The following DRAM2 variants were observed in gnomAD, a reference collection of about 807,000 sequenced individuals.
The protein encoded by DRAM2 is DNA damage-regulated autophagy modulator protein 2.
In DRAM2, 26 loss-of-function variants were observed where a neutral mutation model predicts 33.5. The observed-to-expected ratio is 0.78, with a 90% CI of 0.57 to 1.08. DRAM2 has a LOEUF of 1.08. Ranked by LOEUF, DRAM2 falls within the 50% of genes least tolerant of loss-of-function variation. The pLI is 0.00. For missense variants in DRAM2, 311 were observed against 318.1 expected (o/e 0.98, Z 0.17); for synonymous variants, 98 against 109.5 (o/e 0.89, Z 0.66).
chr1:111,128,016 A>C (rs536088557), intron 4 of DRAM2: 1 of 152,196 alleles, frequency 6.6e-6, no homozygotes, highest in Non-Finnish European at 1.5e-5. Flanking sequence ...GGCATCCACT[A>C]CTTGAACCAA....
At chr1:111,138,933 C>A (rs1192318407) in intron 2 of DRAM2, 1 of 152,294 alleles carries the variant, frequency 6.6e-6, no homozygotes, top group East Asian at 1.9e-4. Context: ...CTGTCTTCGC[C>A]AAGTGGTGAA....
At chr1:111,136,478 T>C (rs181096744) in intron 3 of DRAM2, among the ~76,000 whole-genome samples, 101 of 151,742 alleles carry the variant, frequency 6.7e-4, no homozygotes, top group South Asian at 2.3e-3. Context: ...AGTAGGAGAA[T>C]GGAGGCTGAG....
At chr1:111,130,143 G>A (rs1006392615) in intron 4 of DRAM2, among the ~76,000 whole-genome samples, 1 of 152,130 alleles carries the variant, frequency 6.6e-6, no homozygotes, top group Non-Finnish European at 1.5e-5. Context: ...TTCTTCATTC[G>A]TTGTGAGATT....
rs968881626 is a variant in DRAM2, at chr1:111,117,526, G to C, written c.*634C>G. On this transcript the variant is annotated 3_prime_UTR_variant, in exon 10 of 10. Transcript: ENST00000484310. ...AACTACTGCAAGCATGTGTATGATA[G>C]ACCAATTAGCTTAGTATCTGGCATT... The C allele has an allele frequency of 6.6e-6, 1 of 152,262 alleles. No homozygotes were observed. Among genetic ancestry groups the C allele is most frequent in the African/African-American group, 2.4e-5 (1 of 41,328 alleles). The allele number at this position is 152,262 out of a possible 1,614,324, so 9.4% of individuals were successfully genotyped here.
intron 4 of DRAM2, among the ~76,000 whole-genome samples, chr1:111,130,989 G>A (rs1319628474): frequency 6.6e-6 from 1 of 151,886 alleles, no homozygotes; most frequent in South Asian, 2.1e-4. Context: ...TCCAGCCTGG[G>A]TGACAGAGCT....
chr1:111,137,251 CAAAAAAAA>C (rs71580572), intron 3 of DRAM2, among the ~76,000 whole-genome samples: 1 of 68,680 alleles, frequency 1.5e-5, no homozygotes, highest in African/African-American at 6.2e-5. Context: ...GATTCCATCT[CAAAAAAAA>C]AAAAAAAAAA....
chr1:111,120,420 G>GAT, intron 7 of DRAM2, 96 bp downstream of exon 7: 6 of 154,818 alleles, frequency 3.9e-5, no homozygotes, highest in Non-Finnish European at 5.5e-5. Context: ...AAAAAAAAAA[G>GAT]ACAAAAAGGC....
intron 6 of DRAM2, 149 bp from the exon 7 acceptor site, chr1:111,120,842 G>A (rs548998085): frequency 1.0e-5 from 6 of 600,836 alleles, no homozygotes; most frequent in African/African-American, 7.7e-5. Flanking sequence ...ACTTTCTGAA[G>A]TAATTTTCTC....
chr1:111,126,021 TA>T (rs200028314), intron 5 of DRAM2, among the ~76,000 whole-genome samples: 64 of 152,066 alleles, frequency 4.2e-4, no homozygotes, highest in African/African-American at 1.2e-3. Flanking sequence ...ATCCGACACA[TA>T]TTTTTTTAAA....
chr1:111,131,240 C>T (rs1652014973), intron 4 of DRAM2, among the ~76,000 whole-genome samples, 184 bp downstream of exon 4: 1 of 152,184 alleles, frequency 6.6e-6, no homozygotes. Context: ...TCTTATTGGG[C>T]TGTCTCTACA....
At chr1:111,135,358 C>T (rs1652954886) in intron 3 of DRAM2, among the ~76,000 whole-genome samples, 1 of 152,090 alleles carries the variant, frequency 6.6e-6, no homozygotes, top group African/African-American at 2.4e-5. Context: ...GTCACCTGTC[C>T]CTGATTGTGC....
intron 2 of DRAM2, chr1:111,138,969 T>C (rs1653901376): frequency 6.6e-6 from 1 of 152,206 alleles, no homozygotes; most frequent in Non-Finnish European, 1.5e-5. Context: ...AAGGAAATTC[T>C]GGAAGTTCCA....
At position 111,133,178 on chromosome 1, in the gene DRAM2, C is replaced by CTT. The variant is rs35385263; in HGVS notation, c.-14-1612_-14-1611dup. ...CTTGCATTGTCTTGTCTTTACTTAC[C>CTT]TTTTTTTTTTTTTTTTTGAGACAGA... On this transcript the variant is annotated intron_variant, in intron 3 of 9. Coordinates refer to ENST00000484310, the MANE Select transcript of DRAM2 (RefSeq NM_001349884.2). 4.7e-3 allele frequency among the ~76,000 whole-genome samples: 633 copies of CTT among 134,544 alleles called. 10 individuals carry two copies. The highest frequency in any genetic ancestry group is 0.013 in the African/African-American group (471 of 35,918). The allele number at this position is 134,544 out of a possible 152,430, so 88.3% of individuals were successfully genotyped here.
intron 9 of DRAM2, chr1:111,118,513 G>A (rs763810631): frequency 2.4e-4 from 115 of 488,108 alleles, no homozygotes; most frequent in Non-Finnish European, 3.9e-4. Context: ...ACTAAATGTT[G>A]AGAATGACCT....
chr1:111,126,327 T>A, intron 4 of DRAM2, 33 bp from the exon 5 acceptor site: 2 of 1,293,648 alleles, frequency 1.5e-6, no homozygotes, highest in Non-Finnish European at 2.2e-6. Flanking sequence ...TGTGGATTTC[T>A]CATACTAGAT....
chr1:111,133,855 T>C lies in DRAM2; in HGVS notation c.-14-2287A>G, dbSNP rs56010810. 5.4e-3 allele frequency among the ~76,000 whole-genome samples: 823 copies of C among 152,376 alleles called. 7 individuals carry two copies. Among genetic ancestry groups the C allele is most frequent in the African/African-American group, 0.019 (776 of 41,578 alleles). ...ACACTACCTACCCAGTTAACTTTTA[T>C]GTTTTTCAAGGCTCAATCTTTCCAG... On this transcript the variant is annotated intron_variant, in intron 3 of 9. Transcript: ENST00000484310.
chr1:111,126,643 AC>A (rs1651074293), intron 4 of DRAM2, among the ~76,000 whole-genome samples: 1 of 92,220 alleles, frequency 1.1e-5, no homozygotes, highest in South Asian at 4.7e-4. Flanking sequence ...CCTAAACACC[AC>A]AGGCTTTTCA....
At chr1:111,126,118 T>C (rs753404869) in intron 5 of DRAM2, 109 bp downstream of exon 5, 5 of 695,528 alleles carry the variant, frequency 7.2e-6, no homozygotes, top group South Asian at 1.8e-5. Context: ...AGTGATAACA[T>C]ACTCTCAAGT....
In DRAM2 at chr1:111,117,983, C is replaced by T. The variant is rs149672239; in HGVS notation, c.*177G>A. 1,725 of 621,848 alleles carry T rather than the reference C, an allele frequency of 2.8e-3. 5 individuals carry two copies. Among genetic ancestry groups the T allele is most frequent in the Non-Finnish European group, 4.3e-3 (1,524 of 353,546 alleles). The allele number at this position is 621,848 out of a possible 1,614,324, so 38.5% of individuals were successfully genotyped here. A position where few individuals can be genotyped will look rare whatever the true frequency, so the allele number is the denominator to read the frequency against. ...TTTTTAATAGTCTTCTTGATGATAT[C>T]CTTTAGAATAATCTATCAAATGGCT... On this transcript the variant is annotated 3_prime_UTR_variant, in exon 10 of 10. Coordinates refer to ENST00000484310, the MANE Select transcript of DRAM2 (RefSeq NM_001349884.2).
Sources: allele counts gnomAD v4.1 joint callset (sites outside exome capture counted in the v4.1 genomes callset), GRCh38; gene constraint gnomAD v4.1.1; transcripts MANE v1.5; gene names NCBI Gene and HGNC (gene_info 2026-07-23, HGNC 2026-07-21).